TBC1D32: variants seen among roughly 807,000 people sequenced by gnomAD.
The protein encoded by TBC1D32 is protein broad-minded.
A neutral mutation model predicts 170.3 loss-of-function variants in TBC1D32; 151 were observed. The observed-to-expected ratio is 0.89, with a 90% CI of 0.78 to 1.01. TBC1D32 has a LOEUF of 1.01. TBC1D32 is among the 50% of genes least tolerant of loss of function. The probability of loss-of-function intolerance (pLI) is 0.00; values close to 1 mark genes in which losing one functional copy is unlikely to be tolerated. For missense variants in TBC1D32, 1,464 were observed against 1,457.1 expected, an observed-to-expected ratio of 1.00 and a Z score of -0.08; for synonymous variants, 498 against 488.0, an observed-to-expected ratio of 1.02 and a Z score of -0.27.
chr6:121,203,331 A>T (rs1791837940), intron 22 of TBC1D32, among the ~76,000 whole-genome samples: 1 of 151,444 alleles, frequency 6.6e-6, no homozygotes, highest in African/African-American at 2.5e-5. Context: ...AAAACTTGTT[A>T]AAAAGCCAAT....
rs1246084775 is a variant in TBC1D32 at position 121,307,986 on chromosome 6, G to A, written c.680C>T (p.Pro227Leu). The A allele has an allele frequency of 1.2e-6, 2 of 1,612,948 alleles. No individual in the cohort carries two copies. Among genetic ancestry groups the A allele is most frequent in the Admixed American group, 3.3e-5 (2 of 59,806 alleles). Residue 227 changes from proline to leucine, a missense_variant, in exon 5 of 32, where the codon CCT (proline) becomes CTT (leucine). Pro to Leu is a moderately conservative substitution (Grantham distance 98). Around this residue, in one of 3 missense-constraint regions of TBC1D32, gnomAD observed 1,363 missense variants for 1,338.1 expected, o/e 1.02. Coordinates refer to ENST00000398212, the MANE Select transcript of TBC1D32 (RefSeq NM_152730.6). ...TAACCATTTTCTTACACTAAACACA[G>A]GATCAGGATCTGAAAGAGACACGGT... Reference protein sequence around the residue: ...KLTVSLSDPDPVFSDRILKFC... With the variant: ...KLTVSLSDPDLVFSDRILKFC...
intron 24 of TBC1D32, among the ~76,000 whole-genome samples, chr6:121,135,865 A>G (rs971857168): frequency 4.6e-5 from 7 of 152,156 alleles, no homozygotes; most frequent in Admixed American, 6.5e-5. Flanking sequence ...TTAGTCTTAA[A>G]GTAAGGCAAT....
intron 20 of TBC1D32, among the ~76,000 whole-genome samples, chr6:121,225,988 G>T (rs1031120614): frequency 3.9e-5 from 6 of 152,058 alleles, no homozygotes; most frequent in Non-Finnish European, 5.9e-5. Context: ...GAGATTTTAT[G>T]CAATAATGAT....
Position 121,080,578 on chromosome 6 carries a change from A to T in TBC1D32, c.*193T>A, listed in dbSNP as rs1258403279. ...CTAGATCTGATTCTATAATAACCTT[A>T]CAAAACAACAAATTTACAAAAATGA... On this transcript the variant is annotated 3_prime_UTR_variant, in exon 32 of 32. Coordinates refer to ENST00000398212, the MANE Select transcript of TBC1D32 (RefSeq NM_152730.6). 16 of 673,280 alleles carry T rather than the reference A, an allele frequency of 2.4e-5. No homozygotes were observed. The highest frequency in any genetic ancestry group is 3.6e-5 in the Non-Finnish European group (16 of 439,250). 41.7% of individuals were successfully genotyped at this position (673,280 alleles called of 1,614,324 possible).
In TBC1D32 at chr6:121,304,843, T is replaced by C. The variant is rs768172358; in HGVS notation, c.691-10A>G. ...ATTTTAAAATCCGGTCCTACGGAAA[T>C]GAGACAGAAAATTTGCATCTAAGAT... On this transcript the variant is annotated splice_polypyrimidine_tract_variant and intron_variant, in intron 5 of 31. Coordinates refer to ENST00000398212, the MANE Select transcript of TBC1D32 (RefSeq NM_152730.6). 2 of 1,596,880 alleles carry C rather than the reference T, an allele frequency of 1.3e-6. No individual in the cohort carries two copies. Among genetic ancestry groups the C allele is most frequent in the Admixed American group, 1.7e-5 (1 of 57,476 alleles).
At chr6:121,240,662 G>C (rs978644490) in intron 19 of TBC1D32, among the ~76,000 whole-genome samples, 6 of 151,584 alleles carry the variant, frequency 4.0e-5, no homozygotes, top group African/African-American at 1.2e-4. Context: ...GCCAAGGCGG[G>C]CGAATCACCT....
At chr6:121,286,628 T>C (rs1220724804) in intron 12 of TBC1D32, among the ~76,000 whole-genome samples, 1 of 152,046 alleles carries the variant, frequency 6.6e-6, no homozygotes, top group Admixed American at 6.6e-5. Context: ...CAGGCCAACA[T>C]TCAAATTCAG....
intron 15 of TBC1D32, among the ~76,000 whole-genome samples, chr6:121,278,638 G>A (rs561357326): frequency 6.6e-6 from 1 of 152,110 alleles, no homozygotes; most frequent in Admixed American, 6.5e-5. Context: ...ATTCACCTAA[G>A]AAAATTCCCA....
intron 30 of TBC1D32, among the ~76,000 whole-genome samples, chr6:121,095,564 T>A (rs1397057645): frequency 6.6e-6 from 1 of 151,176 alleles, no homozygotes; most frequent in Non-Finnish European, 1.5e-5. Flanking sequence ...ATATTGGCTG[T>A]GAGTTTGTCA....
intron 17 of TBC1D32, among the ~76,000 whole-genome samples, chr6:121,247,505 TC>T (rs149534147): frequency 6.6e-6 from 1 of 151,458 alleles, no homozygotes; most frequent in East Asian, 1.9e-4. Context: ...GACTAAATGC[TC>T]CACTTCAAAG....
In TBC1D32 at chr6:121,154,648, T is replaced by C. The variant is rs548112783; in HGVS notation, c.2773+5362A>G. 1.4e-4 allele frequency among the ~76,000 whole-genome samples: 22 copies of C among 152,322 alleles called. No individual in the cohort carries two copies. In the South Asian group the frequency reaches 1.7e-3, roughly 11 times the overall value. ...GACATAGGCTTTGGCAAAAAACTTA[T>C]GGCTAAGTTCCCAAAAGCCATTGTA... On this transcript the variant is annotated intron_variant, in intron 24 of 31. Transcript: ENST00000398212.
chr6:121,229,216 C>A (rs1795431012), intron 20 of TBC1D32, among the ~76,000 whole-genome samples: 1 of 152,246 alleles, frequency 6.6e-6, no homozygotes, highest in South Asian at 2.1e-4. Flanking sequence ...CTGACCTTTA[C>A]AATAATCATT....
At chr6:121,134,978 G>A (rs1781883583) in intron 24 of TBC1D32, among the ~76,000 whole-genome samples, 1 of 152,066 alleles carries the variant, frequency 6.6e-6, no homozygotes, top group Non-Finnish European at 1.5e-5. Context: ...GACTGTTCTT[G>A]CTAGAAAAAG....
chr6:121,086,025 G>T (rs983774095), intron 31 of TBC1D32, among the ~76,000 whole-genome samples: 5 of 152,080 alleles, frequency 3.3e-5, no homozygotes, highest in Non-Finnish European at 7.4e-5. Flanking sequence ...GTACACCAAA[G>T]TGTAGGTATG....
chr6:121,185,372 C>A (rs1583124049), intron 22 of TBC1D32, among the ~76,000 whole-genome samples: 2 of 152,074 alleles, frequency 1.3e-5, no homozygotes, highest in African/African-American at 4.8e-5. Context: ...CTAATTTAAA[C>A]TTATCTTACA....
At chr6:121,304,111 TA>T (rs36058595) in intron 8 of TBC1D32, among the ~76,000 whole-genome samples, 6,848 of 145,392 alleles carry the variant, frequency 0.047, 237 homozygotes, top group East Asian at 0.12. Context: ...ACTGATACAT[TA>T]AAAAAAAAAA....
At chr6:121,101,823 G>A (rs1312150336) in intron 30 of TBC1D32, among the ~76,000 whole-genome samples, 1 of 152,108 alleles carries the variant, frequency 6.6e-6, no homozygotes, top group African/African-American at 2.4e-5. Flanking sequence ...TGACATGATT[G>A]TATATTTAGA....
intron 8 of TBC1D32, among the ~76,000 whole-genome samples, chr6:121,304,086 G>A (rs570430757): frequency 1.4e-5 from 2 of 144,762 alleles, no homozygotes; most frequent in African/African-American, 5.1e-5. Context: ...AGAACCTAAC[G>A]CAGACCTTCA....
intron 26 of TBC1D32, among the ~76,000 whole-genome samples, chr6:121,117,849 C>A (rs1013899172): frequency 6.6e-6 from 1 of 151,988 alleles, no homozygotes; most frequent in African/African-American, 2.4e-5. Context: ...ACATCTCAGA[C>A]AACAAAAGTT....
Sources: gnomAD v4.1 joint callset for allele counts (sites outside exome capture counted in the v4.1 genomes callset) on GRCh38, gnomAD v4.1.1 for gene constraint, gnomAD v4.1.1 regional missense constraint, MANE v1.5 for transcripts, NCBI Gene and HGNC (gene_info 2026-07-23, HGNC 2026-07-21) for gene names.